TRAF5: variants seen among roughly 807,000 people sequenced by gnomAD.
TRAF5 encodes TNF receptor-associated factor 5.
TRAF5 carries 48 observed loss-of-function variants against 64.5 expected under a neutral mutation model. The ratio of observed to expected loss-of-function variants is 0.74; its 90% CI spans 0.59 to 0.95. The LOEUF (loss-of-function observed/expected upper bound fraction) is 0.95. Ranked by LOEUF, TRAF5 falls within the 40% of genes least tolerant of loss-of-function variation. The probability of loss-of-function intolerance (pLI) is 0.00; values close to 1 mark genes in which losing one functional copy is unlikely to be tolerated. For missense variants in TRAF5, 545 were observed against 662.8 expected, an observed-to-expected ratio of 0.82 and a Z score of 1.95; for synonymous variants, 206 against 240.5, an observed-to-expected ratio of 0.86 and a Z score of 1.33.
In TRAF5 at chr1:211,364,009, TG is replaced by T. The variant is rs1703268847; in HGVS notation, c.697-1366del. Among the ~76,000 whole-genome samples, 6 of 152,114 alleles carry T rather than the reference TG, an allele frequency of 3.9e-5. No homozygotes were observed. The South Asian group carries it at 1.2e-3, about 32-fold the overall frequency. On this transcript the variant is annotated intron_variant, in intron 7 of 10. Coordinates refer to ENST00000261464, the MANE Select transcript of TRAF5 (RefSeq NM_001033910.3). ...TCCAGTTGGTTTGTATTCTAGAACTTGCCTCAGCACCAGAGCTTGGGATGGC... is the reference window on the plus strand; with the variant it reads ...TCCAGTTGGTTTGTATTCTAGAACTTCCTCAGCACCAGAGCTTGGGATGGC...
At chr1:211,327,251 G>A (rs1487827193) in intron 1 of TRAF5, among the ~76,000 whole-genome samples, 1 of 152,176 alleles carries the variant, frequency 6.6e-6, no homozygotes, top group African/African-American at 2.4e-5. Context: ...GTTCCGTCGG[G>A]GTGCACTGGC....
chr1:211,363,432 T>G (rs1175069303), intron 7 of TRAF5, among the ~76,000 whole-genome samples: 2 of 152,214 alleles, frequency 1.3e-5, no homozygotes, highest in Admixed American at 6.5e-5. Context: ...TTCTCATTTG[T>G]GTTAAAAATG....
At chr1:211,367,429 T>C (rs958450649) in intron 8 of TRAF5, among the ~76,000 whole-genome samples, 6 of 152,170 alleles carry the variant, frequency 3.9e-5, no homozygotes, top group African/African-American at 1.4e-4. Context: ...GTTGTGGTGA[T>C]GGTAAAAAGG....
rs1203844281 is a variant in TRAF5, at chr1:211,350,979, G to A, written c.-1-2260G>A. On this transcript the variant is annotated intron_variant, in intron 1 of 10. Coordinates refer to ENST00000261464, the MANE Select transcript of TRAF5 (RefSeq NM_001033910.3). ...TCCCACCTCAGCCTCCTGAGTAGCTGGGACTACAGGTGTGCACCACCATTC... is the reference window on the plus strand; with the variant it reads ...TCCCACCTCAGCCTCCTGAGTAGCTAGGACTACAGGTGTGCACCACCATTC... 2.6e-5 allele frequency among the ~76,000 whole-genome samples: 4 copies of A among 151,590 alleles called. 1 individual carries two copies. The South Asian group carries it at 6.2e-4, about 24-fold the overall frequency.
chr1:211,343,344 A>G (rs914592949), intron 1 of TRAF5, among the ~76,000 whole-genome samples: 4 of 152,114 alleles, frequency 2.6e-5, no homozygotes, highest in Non-Finnish European at 4.4e-5. Context: ...CCAGCTCTTC[A>G]TCCCCTGAGG....
chr1:211,370,295 G>A (rs553001389), intron 9 of TRAF5, among the ~76,000 whole-genome samples: 2 of 152,072 alleles, frequency 1.3e-5, no homozygotes, highest in East Asian at 1.9e-4. Context: ...GACATGTGGT[G>A]TAGGCAATAT....
In TRAF5 at chr1:211,372,839, T is replaced by A. The variant is rs1703584530; in HGVS notation, c.*137T>A. On this transcript the variant is annotated 3_prime_UTR_variant, in exon 11 of 11. Coordinates refer to ENST00000261464, the MANE Select transcript of TRAF5 (RefSeq NM_001033910.3). Reference sequence around the variant, plus strand: ...TTTTCCTTAACGTTTGAAGTCAGTTTAAAACTTCTGAAGTGCTGTCTTTTT... The same window carrying A: ...TTTTCCTTAACGTTTGAAGTCAGTTAAAAACTTCTGAAGTGCTGTCTTTTT... 5.2e-6 allele frequency: 4 copies of A among 761,918 alleles called. No homozygotes were observed. The highest frequency in any genetic ancestry group is 1.8e-5 in the African/African-American group (1 of 57,118). 47.2% of individuals were successfully genotyped at this position (761,918 alleles called of 1,614,324 possible).
intron 3 of TRAF5, among the ~76,000 whole-genome samples, chr1:211,355,416 A>G (rs1572077141): frequency 6.6e-6 from 1 of 151,906 alleles, no homozygotes; most frequent in South Asian, 2.1e-4. Context: ...TTCCATTGTC[A>G]TGAAGACTTT....
intron 1 of TRAF5, among the ~76,000 whole-genome samples, chr1:211,339,111 C>T (rs558227203): frequency 1.5e-4 from 23 of 152,342 alleles, no homozygotes; most frequent in Admixed American, 4.6e-4. Context: ...ATTCAAATCC[C>T]TGTGCCCACG....
intron 7 of TRAF5, among the ~76,000 whole-genome samples, chr1:211,364,236 C>A (rs976685777): frequency 6.6e-6 from 1 of 152,204 alleles, no homozygotes; most frequent in Non-Finnish European, 1.5e-5. Flanking sequence ...GCAACCATTT[C>A]TTCTTGCAAA....
intron 1 of TRAF5, 139 bp downstream of exon 1, chr1:211,327,028 C>A: frequency 1.3e-6 from 1 of 745,976 alleles, no homozygotes; most frequent in Non-Finnish European, 1.6e-6. Context: ...CCCCGACCGG[C>A]GGGGAGGGCG....
intron 1 of TRAF5, among the ~76,000 whole-genome samples, chr1:211,348,962 G>A (rs1209036815): frequency 6.6e-6 from 1 of 150,724 alleles, no homozygotes; most frequent in Non-Finnish European, 1.5e-5. Flanking sequence ...TGCTTTGGGA[G>A]GCTGAGCTGA....
intron 1 of TRAF5, among the ~76,000 whole-genome samples, chr1:211,347,101 T>C (rs1178625047): frequency 2.6e-5 from 4 of 152,146 alleles, no homozygotes; most frequent in African/African-American, 4.8e-5. Context: ...GTTTTTTTTT[T>C]CCTGACTTGC....
At chr1:211,348,521 C>T (rs899175528) in intron 1 of TRAF5, among the ~76,000 whole-genome samples, 1 of 151,768 alleles carries the variant, frequency 6.6e-6, no homozygotes, top group Non-Finnish European at 1.5e-5. Context: ...ACGGATTGTG[C>T]CCTTGGTGTT....
intron 1 of TRAF5, among the ~76,000 whole-genome samples, chr1:211,341,909 T>C (rs1702457650): frequency 6.6e-6 from 1 of 152,206 alleles, no homozygotes; most frequent in South Asian, 2.1e-4. Flanking sequence ...GCAAATAGCA[T>C]GTCAGGCAGT....
chr1:211,372,100 C>A, intron 10 of TRAF5, 28 bp from the exon 11 acceptor site: 3 of 1,263,930 alleles, frequency 2.4e-6, no homozygotes, highest in Non-Finnish European at 3.2e-6. Context: ...CCTATGGAAT[C>A]TTTTTTTTTT....
At chr1:211,346,301 G>T in intron 1 of TRAF5, 2 of 928,804 alleles carry the variant, frequency 2.2e-6, no homozygotes, top group Non-Finnish European at 2.6e-6. Flanking sequence ...TTCTGTCCTT[G>T]GAGGGACTCA....
chr1:211,359,027 G>A (rs1182339297), intron 4 of TRAF5: 5 of 151,920 alleles, frequency 3.3e-5, no homozygotes, highest in African/African-American at 1.2e-4. Context: ...GCTCACTGCA[G>A]CCTCAAACTT....
intron 7 of TRAF5, among the ~76,000 whole-genome samples, chr1:211,362,365 A>C (rs1703213094): frequency 6.6e-6 from 1 of 152,236 alleles, no homozygotes; most frequent in Non-Finnish European, 1.5e-5. Flanking sequence ...AAATACTAGA[A>C]GGAAAAATGA....
Sources: allele counts gnomAD v4.1 joint callset (sites outside exome capture counted in the v4.1 genomes callset), GRCh38; gene constraint gnomAD v4.1.1; transcripts MANE v1.5; gene names NCBI Gene and HGNC (gene_info 2026-07-23, HGNC 2026-07-21).